The following KCNIP4 variants were observed in gnomAD, a reference collection of about 807,000 sequenced individuals.
KCNIP4 encodes the protein potassium voltage-gated channel interacting protein 4.
In KCNIP4, 12 loss-of-function variants were observed where a neutral mutation model predicts 34.0. That is an observed-to-expected ratio of 0.35 (90% confidence interval 0.23 to 0.57). KCNIP4 has a LOEUF of 0.57. KCNIP4 is among the 20% of genes least tolerant of loss of function. KCNIP4 has a pLI of 0.83. For synonymous variants in KCNIP4, 124 were observed against 102.2 expected, an observed-to-expected ratio of 1.21 and a Z score of -1.29; for missense variants, 238 against 311.7, an observed-to-expected ratio of 0.76 and a Z score of 1.78.
At chr4:21,924,495 C>T (rs563925945) in intron 1 of KCNIP4, among the ~76,000 whole-genome samples, 21 of 152,150 alleles carry the variant, frequency 1.4e-4, no homozygotes, top group African/African-American at 4.6e-4. Context: ...CTGTCCGTCT[C>T]GGCCTCCCAA....
At chr4:20,876,139 T>C (rs1229349236) in intron 2 of KCNIP4, among the ~76,000 whole-genome samples, 4 of 152,200 alleles carry the variant, frequency 2.6e-5, no homozygotes, top group Non-Finnish European at 5.9e-5. Context: ...GCTGGGTAGA[T>C]GTTGTTATGA....
intron 1 of KCNIP4, among the ~76,000 whole-genome samples, chr4:21,901,162 A>G (rs1727682454): frequency 6.6e-6 from 1 of 152,208 alleles, no homozygotes; most frequent in Admixed American, 6.5e-5. Flanking sequence ...AAAGCTGAGG[A>G]TAAAATTTAA....
intron 3 of KCNIP4, among the ~76,000 whole-genome samples, chr4:20,803,756 A>AGG (rs1560477337): frequency 0.015 from 2,104 of 138,332 alleles, 39 homozygotes; most frequent in African/African-American, 0.02. Flanking sequence ...GAAGGAAGGA[A>AGG]AGAAGGAAGG....
chr4:21,212,182 T>A (rs1026405795), intron 1 of KCNIP4, among the ~76,000 whole-genome samples: 1 of 152,168 alleles, frequency 6.6e-6, no homozygotes, highest in East Asian at 1.9e-4. Context: ...AAAAATGCAG[T>A]CTAAAGGCTG....
chr4:20,758,964 A>G, intron 3 of KCNIP4, 74 bp from the exon 4 acceptor site: 3 of 1,152,512 alleles, frequency 2.6e-6, no homozygotes, highest in Non-Finnish European at 2.6e-6. Context: ...ATTTTGAAAC[A>G]GAACTGTCTA....
intron 1 of KCNIP4, among the ~76,000 whole-genome samples, chr4:21,064,521 A>G (rs1744187228): frequency 6.6e-6 from 1 of 152,134 alleles, no homozygotes; most frequent in Non-Finnish European, 1.5e-5. Flanking sequence ...TCTGTGGTTT[A>G]GGTAAGTGGT....
intron 1 of KCNIP4, among the ~76,000 whole-genome samples, chr4:21,753,749 A>G (rs1717314149): frequency 6.6e-6 from 1 of 152,170 alleles, no homozygotes; most frequent in African/African-American, 2.4e-5. Flanking sequence ...GCTGCTGTCA[A>G]GAAAACTTTT....
At chr4:21,725,491 C>T (rs530105490) in intron 1 of KCNIP4, among the ~76,000 whole-genome samples, 2 of 152,266 alleles carry the variant, frequency 1.3e-5, no homozygotes, top group African/African-American at 2.4e-5. Flanking sequence ...TTCAAAGACA[C>T]AATTGCTATC....
At chr4:20,973,250 A>T (rs1478832626) in intron 1 of KCNIP4, among the ~76,000 whole-genome samples, 1 of 152,138 alleles carries the variant, frequency 6.6e-6, no homozygotes, top group African/African-American at 2.4e-5. Context: ...TGCTGTAGCT[A>T]CTCCAATAGC....
chr4:21,445,787 C>T (rs1445161408), intron 1 of KCNIP4, among the ~76,000 whole-genome samples: 6 of 152,242 alleles, frequency 3.9e-5, no homozygotes, highest in Admixed American at 6.5e-5. Context: ...TCTAATTAAA[C>T]TAAAGAGCTT....
At chr4:20,822,365 A>G (rs1717214658) in intron 3 of KCNIP4, among the ~76,000 whole-genome samples, 1 of 152,214 alleles carries the variant, frequency 6.6e-6, no homozygotes, top group African/African-American at 2.4e-5. Context: ...TAAAACCACA[A>G]TGAGATACCA....
chr4:21,684,777 T>C (rs1750681758), intron 1 of KCNIP4, among the ~76,000 whole-genome samples: 1 of 152,164 alleles, frequency 6.6e-6, no homozygotes, highest in South Asian at 2.1e-4. Context: ...CATTAACTCG[T>C]CATTTACATT....
At chr4:21,734,771 A>G (rs1295117344) in intron 1 of KCNIP4, among the ~76,000 whole-genome samples, 1 of 152,150 alleles carries the variant, frequency 6.6e-6, no homozygotes, top group Admixed American at 6.6e-5. Context: ...CAGGTCTTGA[A>G]TGTACATTTA....
intron 1 of KCNIP4, among the ~76,000 whole-genome samples, chr4:21,147,956 A>AAAAAAAAAAAAG (rs1553945843): frequency 3.1e-5 from 4 of 128,392 alleles, no homozygotes; most frequent in African/African-American, 9.2e-5. Context: ...AAAAAAAAAA[A>AAAAAAAAAAAAG]AAAAGAAAAA....
intron 3 of KCNIP4, among the ~76,000 whole-genome samples, chr4:20,794,803 T>C (rs1713240869): frequency 6.6e-6 from 1 of 152,218 alleles, no homozygotes; most frequent in African/African-American, 2.4e-5. Context: ...TTCAGAGCAG[T>C]CTTTACATGA....
intron 1 of KCNIP4, among the ~76,000 whole-genome samples, chr4:21,072,523 T>G (rs1745054503): frequency 6.6e-6 from 1 of 152,142 alleles, no homozygotes; most frequent in African/African-American, 2.4e-5. Context: ...TTGTTTAAGT[T>G]CTTTGTAGAT....
chr4:20,914,356 G>T (rs1262425314), intron 1 of KCNIP4, among the ~76,000 whole-genome samples: 4 of 152,084 alleles, frequency 2.6e-5, no homozygotes, highest in African/African-American at 9.7e-5. Flanking sequence ...AGGTCATGAG[G>T]ATGGAGTCCT....
intron 1 of KCNIP4, among the ~76,000 whole-genome samples, chr4:21,393,668 T>G (rs1722742860): frequency 1.3e-5 from 2 of 152,166 alleles, no homozygotes; most frequent in African/African-American, 2.4e-5. Context: ...AGAAATGAAT[T>G]TTTTTCAATC....
intron 3 of KCNIP4, among the ~76,000 whole-genome samples, chr4:20,834,992 T>C (rs1291926339): frequency 6.6e-6 from 1 of 152,200 alleles, no homozygotes; most frequent in African/African-American, 2.4e-5. Flanking sequence ...GTACTAATGT[T>C]TTCATTCAAT....
Sources: gnomAD v4.1 joint callset for allele counts (sites outside exome capture counted in the v4.1 genomes callset) on GRCh38, gnomAD v4.1.1 for gene constraint, MANE v1.5 for transcripts, NCBI Gene and HGNC (gene_info 2026-07-23, HGNC 2026-07-21) for gene names.